The following MYO3B variants were observed in gnomAD, a reference collection of about 807,000 sequenced individuals.
MYO3B encodes the protein myosin IIIB, also known as myosin-IIIb.
Under a neutral mutation model 174.6 loss-of-function variants are expected in MYO3B, and 156 were observed. That is an observed-to-expected ratio of 0.89 (90% CI 0.78 to 1.02). The LOEUF is 1.02. Among genes scored for constraint, MYO3B ranks in the 50% least tolerant of loss-of-function variants. The pLI is 0.00. For missense variants in MYO3B, 1,632 were observed against 1,639.4 expected (o/e 1.00, Z 0.08); for synonymous variants, 563 against 569.1 (o/e 0.99, Z 0.15).
chr2:170,440,171 T>G (rs977478956), intron 22 of MYO3B, among the ~76,000 whole-genome samples: 5 of 152,228 alleles, frequency 3.3e-5, no homozygotes, highest in African/African-American at 1.2e-4. Flanking sequence ...ATCATGCATC[T>G]GTTGTGTGTT....
chr2:170,222,250 G>GA (rs775422445), intron 6 of MYO3B, among the ~76,000 whole-genome samples: 9 of 152,228 alleles, frequency 5.9e-5, no homozygotes, highest in Non-Finnish European at 1.0e-4. Flanking sequence ...AGCCACAGGT[G>GA]AAGGCACTCA....
At chr2:170,613,515 A>G (rs1695249259) in intron 32 of MYO3B, among the ~76,000 whole-genome samples, 1 of 152,178 alleles carries the variant, frequency 6.6e-6, no homozygotes, top group Non-Finnish European at 1.5e-5. Flanking sequence ...CAAAATCATC[A>G]TCTCTAGTCC....
At chr2:170,225,085 G>T (rs1464143684) in intron 6 of MYO3B, among the ~76,000 whole-genome samples, 1 of 152,250 alleles carries the variant, frequency 6.6e-6, no homozygotes, top group Admixed American at 6.5e-5. Context: ...TTACCATTTT[G>T]TTCCCTAAGC....
intron 30 of MYO3B, among the ~76,000 whole-genome samples, chr2:170,535,672 G>A (rs1036390227): frequency 6.6e-6 from 1 of 152,126 alleles, no homozygotes; most frequent in African/African-American, 2.4e-5. Flanking sequence ...CTGTGAATTG[G>A]GAACACTGGG....
intron 18 of MYO3B, 120 bp downstream of exon 18, chr2:170,401,811 T>TTTTA: frequency 1.0e-6 from 1 of 1,002,694 alleles, no homozygotes; most frequent in Non-Finnish European, 1.4e-6. Flanking sequence ...TCTTTTTTTT[T>TTTTA]TTTTTTGTGG....
chr2:170,338,831 G>C (rs2093961056), intron 8 of MYO3B, among the ~76,000 whole-genome samples: 1 of 152,090 alleles, frequency 6.6e-6, no homozygotes, highest in Non-Finnish European at 1.5e-5. Context: ...TCGAACTCCT[G>C]ACCTCAAGTG....
At chr2:170,406,958 A>C (rs1262336625) in intron 21 of MYO3B, among the ~76,000 whole-genome samples, 1 of 152,138 alleles carries the variant, frequency 6.6e-6, no homozygotes, top group East Asian at 1.9e-4. Context: ...GCATAGAGTC[A>C]AACTGCCTGA....
chr2:170,188,389 C>T (rs1181313213), intron 1 of MYO3B, among the ~76,000 whole-genome samples: 1 of 152,072 alleles, frequency 6.6e-6, no homozygotes, highest in African/African-American at 2.4e-5. Flanking sequence ...TTCTTGTAGG[C>T]AGCAGATCAT....
intron 32 of MYO3B, among the ~76,000 whole-genome samples, chr2:170,545,438 G>A (rs528095358): frequency 6.6e-5 from 10 of 152,228 alleles, no homozygotes; most frequent in African/African-American, 1.9e-4. Flanking sequence ...TTGCTGTTAC[G>A]GTAATTATTG....
chr2:170,303,740 G>T lies in MYO3B; in HGVS notation c.750-31645G>T, dbSNP rs140856198. 3.3e-5 allele frequency among the ~76,000 whole-genome samples: 5 copies of T among 152,052 alleles called. No individual in the cohort carries two copies. In the East Asian group the frequency reaches 9.7e-4, roughly 29 times the overall value. The stretch of plus-strand genomic sequence containing the variant: ...ACTGATTACAGTTCATTTTATATTT[G>T]CCCAGACATCTCTTTTCTGGAATAT... On this transcript the variant is annotated intron_variant, in intron 7 of 34. Transcript: ENST00000408978.
intron 24 of MYO3B, among the ~76,000 whole-genome samples, chr2:170,464,398 G>A (rs1684490312): frequency 6.6e-6 from 1 of 151,664 alleles, no homozygotes; most frequent in Admixed American, 6.6e-5. Flanking sequence ...ACTGATCTCA[G>A]GGATAGCAGA....
chr2:170,315,745 G>A (rs1420845310), intron 7 of MYO3B, among the ~76,000 whole-genome samples: 3 of 152,042 alleles, frequency 2.0e-5, no homozygotes, highest in Admixed American at 6.5e-5. Context: ...CATTGCTATC[G>A]CATTTTACAT....
intron 7 of MYO3B, among the ~76,000 whole-genome samples, chr2:170,329,354 A>G (rs542453361): frequency 6.6e-6 from 1 of 151,880 alleles, no homozygotes; most frequent in African/African-American, 2.4e-5. Context: ...AGGAGACTGT[A>G]TAATGAGGAG....
intron 22 of MYO3B, among the ~76,000 whole-genome samples, chr2:170,414,939 C>G (rs2094568916): frequency 6.6e-6 from 1 of 152,222 alleles, no homozygotes; most frequent in Non-Finnish European, 1.5e-5. Context: ...CCTTGCTAAA[C>G]TTACTAGTCC....
chr2:170,636,029 C>A (rs571002983), intron 32 of MYO3B, among the ~76,000 whole-genome samples: 13 of 152,044 alleles, frequency 8.6e-5, no homozygotes, highest in Non-Finnish European at 1.9e-4. Flanking sequence ...CTGTTTTTTT[C>A]TTTTTAGTCA....
At chr2:170,343,294 A>G (rs2093991279) in intron 8 of MYO3B, among the ~76,000 whole-genome samples, 1 of 152,088 alleles carries the variant, frequency 6.6e-6, no homozygotes, top group South Asian at 2.1e-4. Context: ...TTAGCCAGGC[A>G]TGGTGGTGTG....
At position 170,539,337 on chromosome 2, in the gene MYO3B, C is replaced by T. The variant is rs79860556; in HGVS notation, c.3576-3569C>T. On this transcript the variant is annotated intron_variant, in intron 30 of 34. Coordinates refer to ENST00000408978, the MANE Select transcript of MYO3B (RefSeq NM_138995.5). ...TAAAGACTTAATCCGATTTAAGTTA[C>T]ATGTTTTTGACCAAAAGGAAAAAAT... 8.5e-3 allele frequency among the ~76,000 whole-genome samples: 1,290 copies of T among 152,306 alleles called. 47 individuals carry two copies. In the East Asian group the frequency reaches 0.09, roughly 11 times the overall value.
intron 1 of MYO3B, 76 bp downstream of exon 1, chr2:170,178,365 G>C (rs1170587640): frequency 2.7e-5 from 42 of 1,564,108 alleles, no homozygotes; most frequent in Non-Finnish European, 3.5e-5. Flanking sequence ...GGCAGATGCA[G>C]CTGCCCTGGC....
chr2:170,491,483 T>C (rs1415340285), intron 25 of MYO3B, among the ~76,000 whole-genome samples: 4 of 152,140 alleles, frequency 2.6e-5, no homozygotes, highest in Non-Finnish European at 5.9e-5. Context: ...TGGAGTGCAG[T>C]GGCGCGATCT....
Sources: allele counts gnomAD v4.1 joint callset (sites outside exome capture counted in the v4.1 genomes callset), GRCh38; gene constraint gnomAD v4.1.1; transcripts MANE v1.5; gene names NCBI Gene and HGNC (gene_info 2026-07-23, HGNC 2026-07-21).